ATL1: variants seen among roughly 807,000 people sequenced by gnomAD.
ATL1 encodes the protein atlastin GTPase 1, also known as atlastin-1.
Under a neutral mutation model 75.5 loss-of-function variants are expected in ATL1, and 31 were observed. The ratio of observed to expected loss-of-function variants is 0.41; its 90% CI spans 0.31 to 0.55. The LOEUF (loss-of-function observed/expected upper bound fraction) is 0.55. Among genes scored for constraint, ATL1 ranks in the 20% least tolerant of loss-of-function variants. The pLI is 0.27. For missense variants in ATL1, 405 were observed against 662.6 expected, an observed-to-expected ratio of 0.61 and a Z score of 4.27; for synonymous variants, 226 against 233.3, an observed-to-expected ratio of 0.97 and a Z score of 0.28.
intron 2 of ATL1, among the ~76,000 whole-genome samples, chr14:50,588,866 T>C (rs1360729023): frequency 6.6e-6 from 1 of 152,256 alleles, no homozygotes; most frequent in East Asian, 1.9e-4. Flanking sequence ...TGCTAATTAA[T>C]AATAATCACA....
At chr14:50,539,116 A>G (rs1394251698) in intron 1 of ATL1, among the ~76,000 whole-genome samples, 1 of 152,244 alleles carries the variant, frequency 6.6e-6, no homozygotes. Flanking sequence ...TTCTAGGATG[A>G]TATCACTCAC....
intron 6 of ATL1, among the ~76,000 whole-genome samples, chr14:50,603,097 T>G (rs913212457): frequency 1.8e-4 from 28 of 152,158 alleles, no homozygotes; most frequent in African/African-American, 5.1e-4. Context: ...GGTTGGCCTG[T>G]AATAGGAAAG....
chr14:50,614,042 C>T (rs1404770401), intron 7 of ATL1, among the ~76,000 whole-genome samples: 1 of 152,110 alleles, frequency 6.6e-6, no homozygotes, highest in Non-Finnish European at 1.5e-5. Flanking sequence ...CTCTTTGTGG[C>T]TCCTACGAGT....
At chr14:50,547,593 A>C (rs915923847) in intron 1 of ATL1, among the ~76,000 whole-genome samples, 1 of 152,228 alleles carries the variant, frequency 6.6e-6, no homozygotes, top group Admixed American at 6.5e-5. Flanking sequence ...CAGAAGTTAC[A>C]TAAGGTACAG....
intron 1 of ATL1, among the ~76,000 whole-genome samples, chr14:50,585,857 C>A (rs61982175): frequency 0.029 from 4,480 of 152,284 alleles, 92 homozygotes; most frequent in South Asian, 0.047. Context: ...CTTTTCTTAA[C>A]TTTGCAGAGA....
chr14:50,576,438 C>A (rs192058280), intron 1 of ATL1, among the ~76,000 whole-genome samples: 1 of 152,292 alleles, frequency 6.6e-6, no homozygotes, highest in East Asian at 1.9e-4. Context: ...TTACTTCTGA[C>A]CTGTTTCCTG....
chr14:50,538,863 C>T (rs983695325), intron 1 of ATL1, among the ~76,000 whole-genome samples: 2 of 152,184 alleles, frequency 1.3e-5, no homozygotes, highest in African/African-American at 4.8e-5. Context: ...GGCTAGAATG[C>T]AGTGGCTATT....
intron 6 of ATL1, among the ~76,000 whole-genome samples, chr14:50,611,274 G>C (rs2039363545): frequency 6.6e-6 from 1 of 152,004 alleles, no homozygotes; most frequent in Non-Finnish European, 1.5e-5. Flanking sequence ...GTTGGAATTG[G>C]ATTTCATTAC....
upstream of ATL1, chr14:50,559,287 G>T (rs1418434880): frequency 6.6e-6 from 1 of 152,222 alleles, no homozygotes. Flanking sequence ...CAACCAAATG[G>T]CAGAAGGAAA....
intron 1 of ATL1, among the ~76,000 whole-genome samples, chr14:50,547,857 A>T (rs1375352027): frequency 1.3e-5 from 2 of 152,168 alleles, no homozygotes; most frequent in Non-Finnish European, 2.9e-5. Context: ...TTCACTTGGG[A>T]GGGCCAATAA....
chr14:50,551,331 A>T (rs2038699385), intron 1 of ATL1, among the ~76,000 whole-genome samples: 1 of 128,750 alleles, frequency 7.8e-6, no homozygotes, highest in Non-Finnish European at 1.7e-5. Flanking sequence ...ATCAGGAAGA[A>T]ATAGAAACTC....
intron 1 of ATL1, among the ~76,000 whole-genome samples, chr14:50,584,209 TA>T (rs2140197956): frequency 6.6e-6 from 1 of 151,964 alleles, no homozygotes; most frequent in East Asian, 1.9e-4. Context: ...ACCCCATCTC[TA>T]CAAAAAATAC....
intron 6 of ATL1, among the ~76,000 whole-genome samples, chr14:50,597,850 A>T (rs138413496): frequency 6.6e-6 from 1 of 152,008 alleles, no homozygotes; most frequent in African/African-American, 2.4e-5. Context: ...GCCCGCCACC[A>T]CACCCAGCTA....
intron 1 of ATL1, among the ~76,000 whole-genome samples, chr14:50,563,875 T>G (rs915039754): frequency 6.6e-6 from 1 of 152,214 alleles, no homozygotes; most frequent in Non-Finnish European, 1.5e-5. Context: ...TAGGCATTGT[T>G]ATTATTAATC....
intron 9 of ATL1, among the ~76,000 whole-genome samples, chr14:50,621,325 A>G (rs566214812): frequency 4.6e-5 from 7 of 152,338 alleles, no homozygotes; most frequent in African/African-American, 1.7e-4. Context: ...AATTTTTAAA[A>G]TTCATGTTTT....
intron 1 of ATL1, among the ~76,000 whole-genome samples, chr14:50,550,195 G>C (rs58216994): frequency 4.6e-5 from 7 of 152,204 alleles, no homozygotes; most frequent in Non-Finnish European, 1.0e-4. Context: ...GGCAAGGCTG[G>C]AAGCTTACCA....
chr14:50,554,523 G>A (rs1199320475), intron 1 of ATL1, among the ~76,000 whole-genome samples: 1 of 152,172 alleles, frequency 6.6e-6, no homozygotes, highest in Non-Finnish European at 1.5e-5. Context: ...TCCCCACTAG[G>A]TTATTTAAGG....
chr14:50,632,240 G>A lies in ATL1; in HGVS notation c.1578G>A (p.Lys526=), dbSNP rs755279305. Residue 526 remains lysine (K), a synonymous_variant, in exon 14 of 14, where the codon AAG becomes AAA. Transcript: ENST00000358385. ...TGCTTTTATTCTAGGCTTTGTACAA[G>A]CTTTACAGTGCAGCAGCAACCCACA... ...DQGSTNEALY[K]LYSAAATHRH... is the part of the protein sequence containing the mutation. The A allele has an allele frequency of 1.1e-5, 18 of 1,611,176 alleles. No individual in the cohort carries two copies. In the East Asian group the frequency reaches 2.9e-4, roughly 26 times the overall value.
At chr14:50,574,971 A>ATATATATCTATATATC (rs1234160143) in intron 1 of ATL1, among the ~76,000 whole-genome samples, 2 of 129,598 alleles carry the variant, frequency 1.5e-5, no homozygotes, top group African/African-American at 6.1e-5. Flanking sequence ...ATATATATAT[A>ATATATATCTATATATC]TATATTAGCT....
Sources: gnomAD v4.1 joint callset for allele counts (sites outside exome capture counted in the v4.1 genomes callset) on GRCh38, gnomAD v4.1.1 for gene constraint, MANE v1.5 for transcripts, NCBI Gene and HGNC (gene_info 2026-07-23, HGNC 2026-07-21) for gene names.